DGKB: variants seen among roughly 807,000 people sequenced by gnomAD.
The protein encoded by DGKB is diacylglycerol kinase beta.
In DGKB, 67 loss-of-function variants were observed where a neutral mutation model predicts 114.3. The ratio of observed to expected loss-of-function variants is 0.59; its 90% confidence interval spans 0.48 to 0.72. DGKB has a LOEUF of 0.72. Among genes scored for constraint, DGKB ranks in the 30% least tolerant of loss-of-function variants. DGKB has a pLI of 0.00. For missense variants in DGKB, 907 were observed against 975.2 expected (o/e 0.93, Z 0.93); for synonymous variants, 398 against 323.1 (o/e 1.23, Z -2.49).
intron 20 of DGKB, among the ~76,000 whole-genome samples, chr7:14,533,587 C>T (rs1320676868): frequency 2.6e-5 from 4 of 151,470 alleles, no homozygotes; most frequent in African/African-American, 9.7e-5. Flanking sequence ...CACAAGTAAC[C>T]GAAATAGTTT....
chr7:14,767,821 G>A lies in DGKB; in HGVS notation c.71-10090C>T, dbSNP rs369359058. Among the ~76,000 whole-genome samples the A allele has an allele frequency of 5.3e-5, 8 of 151,842 alleles. No individual in the cohort carries two copies. In the East Asian group the frequency reaches 9.6e-4, roughly 18 times the overall value. ...GTACATTAAAAATATTTAAACCCACGCTAGTTCAGAAGATGACAACTTCAT... is the reference window on the plus strand; with the variant it reads ...GTACATTAAAAATATTTAAACCCACACTAGTTCAGAAGATGACAACTTCAT... On this transcript the variant is annotated intron_variant, in intron 2 of 25. Coordinates refer to ENST00000402815, the MANE Select transcript of DGKB (RefSeq NM_001350709.2).
chr7:14,655,087 G>C (rs1262821885), intron 13 of DGKB, among the ~76,000 whole-genome samples: 1 of 151,684 alleles, frequency 6.6e-6, no homozygotes, highest in Non-Finnish European at 1.5e-5. Context: ...ATCACAGAGT[G>C]AACAGACAAT....
At chr7:14,489,305 A>C (rs917881493) in intron 20 of DGKB, among the ~76,000 whole-genome samples, 4 of 152,218 alleles carry the variant, frequency 2.6e-5, no homozygotes, top group African/African-American at 7.2e-5. Context: ...TTGAGAAATC[A>C]AGTCAATGTA....
chr7:14,688,202 C>T (rs994571370), intron 9 of DGKB, among the ~76,000 whole-genome samples: 1 of 152,038 alleles, frequency 6.6e-6, no homozygotes, highest in Non-Finnish European at 1.5e-5. Context: ...AGAGCACATT[C>T]CTATTAGTCC....
intron 1 of DGKB, among the ~76,000 whole-genome samples, chr7:14,939,846 C>T (rs113391877): frequency 0.14 from 21,589 of 151,846 alleles, 1,595 homozygotes; most frequent in Admixed American, 0.2. Flanking sequence ...ATCTCCTGAC[C>T]TCGTGATCCA....
chr7:14,920,673 T>G (rs987990338), intron 1 of DGKB, among the ~76,000 whole-genome samples: 2 of 152,166 alleles, frequency 1.3e-5, no homozygotes, highest in Non-Finnish European at 2.9e-5. Context: ...TGAAAACTTA[T>G]GTCCACACAA....
At chr7:14,569,716 A>C (rs1041393356) in intron 20 of DGKB, among the ~76,000 whole-genome samples, 5 of 152,096 alleles carry the variant, frequency 3.3e-5, no homozygotes, top group Non-Finnish European at 1.5e-5. Flanking sequence ...AAATTGACTT[A>C]GCTATTTTGT....
At chr7:14,310,636 T>C (rs936965235) in intron 23 of DGKB, among the ~76,000 whole-genome samples, 4 of 152,198 alleles carry the variant, frequency 2.6e-5, no homozygotes, top group African/African-American at 4.8e-5. Context: ...TAGACCTGCA[T>C]TGATTCTCAG....
intron 1 of DGKB, among the ~76,000 whole-genome samples, chr7:14,942,166 C>G (rs368860783): frequency 6.6e-6 from 1 of 151,700 alleles, no homozygotes; most frequent in Non-Finnish European, 1.5e-5. Context: ...AAGGTGGCCT[C>G]TCTTCCTCAT....
intron 17 of DGKB, among the ~76,000 whole-genome samples, chr7:14,601,514 G>A (rs368266248): frequency 6.6e-6 from 1 of 151,702 alleles, no homozygotes; most frequent in African/African-American, 2.4e-5. Flanking sequence ...TTTACCAATT[G>A]GCCAGTCTGA....
At chr7:14,639,396 A>T (rs1811322533) in intron 13 of DGKB, among the ~76,000 whole-genome samples, 1 of 152,224 alleles carries the variant, frequency 6.6e-6, no homozygotes, top group African/African-American at 2.4e-5. Context: ...AACAGATTAT[A>T]CTTGGAAAGG....
chr7:14,788,082 A>AGGTG (rs1189915433), intron 2 of DGKB, among the ~76,000 whole-genome samples: 1 of 152,252 alleles, frequency 6.6e-6, no homozygotes, highest in East Asian at 1.9e-4. Flanking sequence ...AGCCACAGCA[A>AGGTG]GGTGGCTGTT....
chr7:14,775,583 T>G (rs1838041533), intron 2 of DGKB, among the ~76,000 whole-genome samples: 1 of 151,898 alleles, frequency 6.6e-6, no homozygotes, highest in Non-Finnish European at 1.5e-5. Flanking sequence ...TTCCATGCTG[T>G]TTTTGTGATA....
chr7:14,694,863 C>T (rs1823535595), intron 8 of DGKB, among the ~76,000 whole-genome samples: 1 of 152,090 alleles, frequency 6.6e-6, no homozygotes, highest in African/African-American at 2.4e-5. Flanking sequence ...GAGTCAGAGT[C>T]ATATAGTGTT....
At chr7:14,157,197 A>G (rs1322129785) in intron 25 of DGKB, among the ~76,000 whole-genome samples, 1 of 152,142 alleles carries the variant, frequency 6.6e-6, no homozygotes, top group African/African-American at 2.4e-5. Context: ...ACTAAAAGTT[A>G]CTTAGCTTGA....
chr7:14,315,544 A>G (rs1435541681), intron 23 of DGKB, among the ~76,000 whole-genome samples: 2 of 151,428 alleles, frequency 1.3e-5, no homozygotes, highest in Non-Finnish European at 2.9e-5. Context: ...GAAGGCCATT[A>G]CATAATGGTA....
intron 4 of DGKB, among the ~76,000 whole-genome samples, chr7:14,742,387 C>A (rs1355510636): frequency 1.3e-5 from 2 of 152,042 alleles, no homozygotes; most frequent in East Asian, 1.9e-4. Context: ...AGCATTAGAT[C>A]AAATATTTTT....
At chr7:14,394,518 A>G (rs938632142) in intron 21 of DGKB, among the ~76,000 whole-genome samples, 1 of 152,148 alleles carries the variant, frequency 6.6e-6, no homozygotes, top group African/African-American at 2.4e-5. Context: ...AAATAACAAT[A>G]TTTCATAGGA....
intron 2 of DGKB, among the ~76,000 whole-genome samples, chr7:14,805,523 C>A (rs1278367037): frequency 6.6e-6 from 1 of 151,946 alleles, no homozygotes; most frequent in East Asian, 1.9e-4. Context: ...TTTTCAGTTG[C>A]CATGGATTTA....
Sources: gnomAD v4.1 joint callset for allele counts (sites outside exome capture counted in the v4.1 genomes callset) on GRCh38, gnomAD v4.1.1 for gene constraint, MANE v1.5 for transcripts, NCBI Gene and HGNC (gene_info 2026-07-23, HGNC 2026-07-21) for gene names.